Variants in EPHA6 observed in about 807,000 individuals in gnomAD.
EPHA6 encodes EPH receptor A6, also known as ephrin type-A receptor 6.
Under a neutral mutation model 112.0 loss-of-function variants are expected in EPHA6, and 50 were observed. The observed-to-expected ratio is 0.45, with a 90% CI of 0.36 to 0.56. The LOEUF (loss-of-function observed/expected upper bound fraction) is 0.56. Ranked by LOEUF, EPHA6 falls within the 20% of genes least tolerant of loss-of-function variation. EPHA6 has a pLI of 0.00. For synonymous variants in EPHA6, 529 were observed against 490.7 expected, an observed-to-expected ratio of 1.08 and a Z score of -1.03; for missense variants, 1,280 against 1,417.4, an observed-to-expected ratio of 0.90 and a Z score of 1.56.
At chr3:97,694,346 C>A (rs2032878168) in intron 14 of EPHA6, among the ~76,000 whole-genome samples, 2 of 151,966 alleles carry the variant, frequency 1.3e-5, no homozygotes, top group South Asian at 4.2e-4. Flanking sequence ...CAGCAATTCT[C>A]CTGCCTCAGC....
intron 14 of EPHA6, among the ~76,000 whole-genome samples, chr3:97,672,377 A>G (rs1038858783): frequency 3.3e-5 from 5 of 152,086 alleles, no homozygotes; most frequent in Non-Finnish European, 7.4e-5. Flanking sequence ...CTTTTTCCAA[A>G]CTATTATTAG....
intron 2 of EPHA6, among the ~76,000 whole-genome samples, chr3:96,953,865 C>A (rs2041652779): frequency 6.6e-6 from 1 of 151,206 alleles, no homozygotes; most frequent in African/African-American, 2.4e-5. Flanking sequence ...TTCCCCTGGA[C>A]TATTTCAATA....
At chr3:96,974,741 G>A (rs1013322239) in intron 2 of EPHA6, among the ~76,000 whole-genome samples, 2 of 152,020 alleles carry the variant, frequency 1.3e-5, no homozygotes, top group East Asian at 3.9e-4. Context: ...TTTTGCCAGA[G>A]TCTCTTGTTC....
intron 2 of EPHA6, among the ~76,000 whole-genome samples, chr3:96,970,202 A>T (rs748747721): frequency 2.0e-5 from 3 of 151,716 alleles, no homozygotes; most frequent in Non-Finnish European, 2.9e-5. Context: ...ACAGACACAT[A>T]GTCTAAATAC....
At chr3:97,408,995 A>G (rs1252510933) in intron 6 of EPHA6, among the ~76,000 whole-genome samples, 1 of 152,068 alleles carries the variant, frequency 6.6e-6, no homozygotes. Flanking sequence ...TAACACAGCT[A>G]TTTCCTTTCA....
intron 2 of EPHA6, among the ~76,000 whole-genome samples, chr3:96,978,831 T>C (rs2042634194): frequency 6.6e-6 from 1 of 152,186 alleles, no homozygotes; most frequent in African/African-American, 2.4e-5. Context: ...AGAATACATA[T>C]ATTTTTTCAC....
chr3:97,489,697 A>C (rs2107517649), intron 10 of EPHA6, among the ~76,000 whole-genome samples: 1 of 152,172 alleles, frequency 6.6e-6, no homozygotes, highest in East Asian at 1.9e-4. Flanking sequence ...AAAAAAAAAA[A>C]AAAAGAAACT....
intron 1 of EPHA6, among the ~76,000 whole-genome samples, chr3:96,833,332 C>CA (rs946533942): frequency 2.0e-5 from 3 of 151,520 alleles, no homozygotes; most frequent in African/African-American, 7.3e-5. Flanking sequence ...GAAAGCCACA[C>CA]AAAAAACTAG....
intron 11 of EPHA6, among the ~76,000 whole-genome samples, chr3:97,581,710 CAAGCTATGCACAGCAA>C (rs1183548202): frequency 6.6e-6 from 1 of 152,220 alleles, no homozygotes; most frequent in Non-Finnish European, 1.5e-5. Flanking sequence ...GGTCATGCAG[CAAGCTATGCACAGCAA>C]AGTTTTGAAG....
At chr3:97,353,715 A>C (rs2083922427) in intron 5 of EPHA6, among the ~76,000 whole-genome samples, 1 of 152,144 alleles carries the variant, frequency 6.6e-6, no homozygotes, top group African/African-American at 2.4e-5. Flanking sequence ...CCCTGAAAGG[A>C]GGGAAACAAG....
intron 10 of EPHA6, among the ~76,000 whole-genome samples, chr3:97,494,324 T>C (rs2091923787): frequency 1.3e-5 from 2 of 152,214 alleles, no homozygotes. Flanking sequence ...TAGAATCTTA[T>C]AAACTTTCCT....
At chr3:96,835,307 T>C (rs1161555957) in intron 1 of EPHA6, among the ~76,000 whole-genome samples, 3 of 152,084 alleles carry the variant, frequency 2.0e-5, no homozygotes, top group East Asian at 1.9e-4. Flanking sequence ...GTGATGAAAG[T>C]ATGTACAGCT....
At chr3:97,330,126 G>A (rs1449985482) in intron 5 of EPHA6, among the ~76,000 whole-genome samples, 1 of 151,814 alleles carries the variant, frequency 6.6e-6, no homozygotes, top group African/African-American at 2.4e-5. Flanking sequence ...TCAGATGGTT[G>A]TAGATATGCA....
intron 3 of EPHA6, among the ~76,000 whole-genome samples, chr3:97,180,157 C>A (rs374988456): frequency 6.6e-6 from 1 of 152,098 alleles, no homozygotes; most frequent in Non-Finnish European, 1.5e-5. Context: ...GAGGAGCGTT[C>A]GTTTGTAGCC....
At chr3:97,538,504 T>C (rs1478913309) in intron 11 of EPHA6, among the ~76,000 whole-genome samples, 1 of 152,168 alleles carries the variant, frequency 6.6e-6, no homozygotes, top group African/African-American at 2.4e-5. Context: ...CTGAGTGGGC[T>C]GCAGGTTCAA....
At chr3:97,418,683 A>C (rs918287891) in intron 6 of EPHA6, among the ~76,000 whole-genome samples, 2 of 152,222 alleles carry the variant, frequency 1.3e-5, no homozygotes, top group African/African-American at 4.8e-5. Context: ...AGAAATGGGC[A>C]TAAATAAGAA....
intron 3 of EPHA6, among the ~76,000 whole-genome samples, chr3:97,149,603 G>A (rs1405437814): frequency 6.6e-6 from 1 of 151,680 alleles, no homozygotes; most frequent in East Asian, 1.9e-4. Flanking sequence ...GAATCCTTAG[G>A]GCTATGCAAT....
At chr3:97,387,208 A>T (rs531007787) in intron 5 of EPHA6, among the ~76,000 whole-genome samples, 9 of 152,198 alleles carry the variant, frequency 5.9e-5, no homozygotes, top group Non-Finnish European at 1.2e-4. Flanking sequence ...AAATTTCTGC[A>T]GCTAGCTTGA....
At chr3:97,121,438 G>A (rs1354079184) in intron 3 of EPHA6, among the ~76,000 whole-genome samples, 2 of 152,064 alleles carry the variant, frequency 1.3e-5, no homozygotes, top group Admixed American at 1.3e-4. Context: ...TCTTGGGATG[G>A]AAGAGGTGAA....
Sources: allele counts gnomAD v4.1 joint callset (sites outside exome capture counted in the v4.1 genomes callset), GRCh38; gene constraint gnomAD v4.1.1; transcripts MANE v1.5; gene names NCBI Gene and HGNC (gene_info 2026-07-23, HGNC 2026-07-21).